TTC9C: variants seen among roughly 807,000 people sequenced by gnomAD.
TTC9C encodes tetratricopeptide repeat domain 9C, also known as tetratricopeptide repeat protein 9C.
A neutral mutation model predicts 22.5 loss-of-function variants in TTC9C; 15 were observed. That is an observed-to-expected ratio of 0.67 (90% CI 0.45 to 1.03). TTC9C has a LOEUF of 1.03. Ranked by LOEUF, TTC9C falls within the 50% of genes least tolerant of loss-of-function variation. The probability of loss-of-function intolerance (pLI) is 0.00; values close to 1 mark genes in which losing one functional copy is unlikely to be tolerated. For missense variants in TTC9C, 244 were observed against 214.6 expected (o/e 1.14, Z -0.86); for synonymous variants, 92 against 86.8 (o/e 1.06, Z -0.33).
At chr11:62,735,239 G>A in intron 1 of TTC9C, 143 bp from the exon 2 acceptor site, 1 of 1,075,890 alleles carries the variant, frequency 9.3e-7, no homozygotes, top group Non-Finnish European at 1.3e-6. Context: ...GTGTGTAGAA[G>A]AGTGTCTGGC....
At position 62,728,954 on chromosome 11, in the gene TTC9C, C is replaced by T. The variant is rs1565168738; in HGVS notation, c.106C>T (p.Leu36Phe). ...DAVSRYHRAL[L>F]QLRGLDPSLP... Reference sequence around the variant, plus strand: ...TGTGAGTAGGTACCATCGAGCTCTGCTTCAGCTGCGGGGTCTGGATCCGAG... The same window carrying T: ...TGTGAGTAGGTACCATCGAGCTCTGTTTCAGCTGCGGGGTCTGGATCCGAG... Residue 36 changes from leucine to phenylalanine, a missense_variant, in exon 1 of 3, where the codon CTT becomes TTT. Transcript: ENST00000316461. The T allele has an allele frequency of 2.5e-6, 4 of 1,614,186 alleles. No individual in the cohort carries two copies. Among genetic ancestry groups the T allele is most frequent in the African/African-American group, 1.3e-5 (1 of 75,046 alleles).
chr11:62,732,541 C>T (rs1199896717), intron 1 of TTC9C, among the ~76,000 whole-genome samples: 3 of 149,782 alleles, frequency 2.0e-5, no homozygotes, highest in Non-Finnish European at 4.4e-5. Context: ...ACCTGGGAGG[C>T]GGAGGTTGTG....
intron 1 of TTC9C, among the ~76,000 whole-genome samples, chr11:62,731,080 G>A (rs979954044): frequency 6.6e-6 from 1 of 151,224 alleles, no homozygotes; most frequent in Non-Finnish European, 1.5e-5. Flanking sequence ...GTAGAGACGG[G>A]GTTTTGCCAT....
chr11:62,737,648 TA>T (rs1435294183), intron 2 of TTC9C, among the ~76,000 whole-genome samples: 1 of 152,176 alleles, frequency 6.6e-6, no homozygotes, highest in African/African-American at 2.4e-5. Context: ...CAGCATCCAA[TA>T]CATAAATTAA....
In TTC9C at chr11:62,734,549, C is replaced by G. The variant is rs527716828; in HGVS notation, c.239-833C>G. Among the ~76,000 whole-genome samples, 102 of 152,278 alleles carry G rather than the reference C, an allele frequency of 6.7e-4. 1 individual carries two copies. The highest frequency in any genetic ancestry group is 2.5e-3 in the African/African-American group (102 of 41,546). ...TGAGCCAAGATCATGCCACTGCACT[C>G]CAGCCTAGCTGATGAGTGAGACTCT... On this transcript the variant is annotated intron_variant, in intron 1 of 2. Transcript: ENST00000316461.
At chr11:62,731,894 C>G (rs985601492) in intron 1 of TTC9C, among the ~76,000 whole-genome samples, 1 of 149,830 alleles carries the variant, frequency 6.7e-6, no homozygotes, top group African/African-American at 2.5e-5. Context: ...ACCTTGTTAG[C>G]CAGGATGGTC....
At chr11:62,732,744 C>T (rs186124996) in intron 1 of TTC9C, among the ~76,000 whole-genome samples, 1 of 152,214 alleles carries the variant, frequency 6.6e-6, no homozygotes, top group East Asian at 1.9e-4. Flanking sequence ...TATGGTGAAA[C>T]TCCATCTCTA....
chr11:62,730,379 A>C (rs180821031), intron 1 of TTC9C, among the ~76,000 whole-genome samples: 15 of 151,076 alleles, frequency 9.9e-5, no homozygotes, highest in Admixed American at 2.0e-4. Flanking sequence ...CCGGCCCAGT[A>C]ATTTTTATTT....
rs1198801300 is a variant in TTC9C at position 62,728,752 on chromosome 11, C to T, written c.-97C>T. 4 of 1,236,280 alleles carry T rather than the reference C, an allele frequency of 3.2e-6. No individual in the cohort carries two copies. Among genetic ancestry groups the T allele is most frequent in the East Asian group, 2.4e-5 (1 of 41,628 alleles). 76.6% of individuals were successfully genotyped at this position (1,236,280 alleles called of 1,614,324 possible). A position where few individuals can be genotyped will look rare whatever the true frequency, so the allele number is the denominator to read the frequency against. On this transcript the variant is annotated 5_prime_UTR_variant, in exon 1 of 3. Transcript: ENST00000316461. ...AGGAAGAAGGGTAATTTCCTGCCTCCTTAAATTGGCTGCTACTGTCAGTTA... is the reference window on the plus strand; with the variant it reads ...AGGAAGAAGGGTAATTTCCTGCCTCTTTAAATTGGCTGCTACTGTCAGTTA...
chr11:62,737,904 G>A (rs1025666895), intron 2 of TTC9C, among the ~76,000 whole-genome samples: 39 of 152,238 alleles, frequency 2.6e-4, no homozygotes, highest in African/African-American at 9.4e-4. Flanking sequence ...GGTGGTGCAT[G>A]CCTGTAATCT....
intron 1 of TTC9C, among the ~76,000 whole-genome samples, chr11:62,729,738 G>C (rs1428652892): frequency 1.3e-5 from 2 of 152,108 alleles, no homozygotes; most frequent in East Asian, 3.9e-4. Context: ...ACCATGCCCA[G>C]CTAATTTTTG....
Position 62,738,582 on chromosome 11 carries a change from C to A in TTC9C, c.*200C>A. 1 of 455,198 alleles carries A rather than the reference C, an allele frequency of 2.2e-6. No individual in the cohort carries two copies. Among genetic ancestry groups the A allele is most frequent in the Non-Finnish European group, 4.0e-6 (1 of 252,750 alleles). 28.2% of individuals were successfully genotyped at this position (455,198 alleles called of 1,614,324 possible). On this transcript the variant is annotated 3_prime_UTR_variant, in exon 3 of 3. Coordinates refer to ENST00000316461, the MANE Select transcript of TTC9C (RefSeq NM_173810.4). ...TCCATCTGTTTATTTCTATACCTTT[C>A]AATACATGTTATTGTTGCAGATATT...
chr11:62,734,947 A>G (rs960014628), intron 1 of TTC9C, among the ~76,000 whole-genome samples: 5 of 152,244 alleles, frequency 3.3e-5, no homozygotes, highest in African/African-American at 1.2e-4. Context: ...CCCAGGCTAG[A>G]GTGCAATGGC....
chr11:62,732,965 T>A (rs1453982476), intron 1 of TTC9C, among the ~76,000 whole-genome samples: 1 of 146,578 alleles, frequency 6.8e-6, no homozygotes. Context: ...TCTTCTGTAT[T>A]CCTCCACTTT....
intron 2 of TTC9C, 90 bp downstream of exon 2, chr11:62,735,654 GTAT>G (rs1393643387): frequency 6.9e-6 from 10 of 1,448,360 alleles, no homozygotes; most frequent in Non-Finnish European, 9.1e-6. Context: ...CTTTGCCAAT[GTAT>G]TATTTTCAAT....
chr11:62,732,426 T>G (rs1200015876), intron 1 of TTC9C, among the ~76,000 whole-genome samples: 4 of 151,444 alleles, frequency 2.6e-5, no homozygotes, highest in African/African-American at 4.9e-5. Context: ...CTGACCAACA[T>G]GGAGAAACCC....
At chr11:62,731,592 C>T (rs1323793836) in intron 1 of TTC9C, among the ~76,000 whole-genome samples, 2 of 151,994 alleles carry the variant, frequency 1.3e-5, no homozygotes, top group Admixed American at 1.3e-4. Context: ...GCAAGTAAGA[C>T]TCTGTCCCCC....
Position 62,735,216 on chromosome 11 carries a change from T to A in TTC9C, c.239-166T>A, listed in dbSNP as rs2083896681. On this transcript the variant is annotated intron_variant, in intron 1 of 2. Coordinates refer to ENST00000316461, the MANE Select transcript of TTC9C (RefSeq NM_173810.4). The stretch of plus-strand genomic sequence containing the variant: ...GCCGATATGTGAAGCTTTTATTCAC[T>A]GCTGCATCCCCAGTGTGTAGAAGAG... Among the ~76,000 whole-genome samples, 3 of 152,212 alleles carry A rather than the reference T, an allele frequency of 2.0e-5. No individual in the cohort carries two copies. In the South Asian group the frequency reaches 6.2e-4, roughly 32 times the overall value.
chr11:62,735,477 T>A lies in TTC9C; in HGVS notation c.334T>A (p.Tyr112Asn). 1.2e-6 allele frequency: 2 copies of A among 1,614,116 alleles called. No individual in the cohort carries two copies. The highest frequency in any genetic ancestry group is 1.7e-6 in the Non-Finnish European group (2 of 1,180,010). The change falls in exon 2 of 3, where the codon TAT becomes AAT. Residue 112 changes from tyrosine to asparagine, a missense_variant. Physicochemically the swap from Tyr to Asn is moderately radical, Grantham distance 143 (BLOSUM62 -2). Transcript: ENST00000316461. Reference protein sequence around the residue: ...ERQPDNAKALYRAGVAFFHLQ... With the variant: ...ERQPDNAKALNRAGVAFFHLQ... ...ACAGCCTGATAATGCCAAGGCCTTG[T>A]ATCGGGCCGGAGTGGCCTTTTTCCA...
Sources: allele counts gnomAD v4.1 joint callset (sites outside exome capture counted in the v4.1 genomes callset), GRCh38; gene constraint gnomAD v4.1.1; transcripts MANE v1.5; gene names NCBI Gene and HGNC (gene_info 2026-07-23, HGNC 2026-07-21).